Variants in CPEB3 observed in about 807,000 individuals in gnomAD.
CPEB3 encodes cytoplasmic polyadenylation element binding protein 3.
CPEB3 carries 20 observed loss-of-function variants against 67.2 expected under a neutral mutation model. That is an observed-to-expected ratio of 0.30 (90% CI 0.21 to 0.43). The LOEUF is 0.43. CPEB3 is among the 20% of genes least tolerant of loss of function. The pLI is 1.00. For synonymous variants in CPEB3, 376 were observed against 393.1 expected (o/e 0.96, Z 0.51); for missense variants, 746 against 968.6 (o/e 0.77, Z 3.05).
chr10:92,250,649 T>C (rs985373575), intron 1 of CPEB3, among the ~76,000 whole-genome samples: 2 of 152,006 alleles, frequency 1.3e-5, no homozygotes, highest in Non-Finnish European at 2.9e-5. Flanking sequence ...AAGTGCCCTA[T>C]ACATGTGTAC....
At chr10:92,087,114 G>A (rs1372077034) in intron 8 of CPEB3, among the ~76,000 whole-genome samples, 2 of 152,120 alleles carry the variant, frequency 1.3e-5, no homozygotes, top group African/African-American at 4.8e-5. Context: ...TCAGGACATG[G>A]TTTCTAATAC....
intron 1 of CPEB3, among the ~76,000 whole-genome samples, chr10:92,259,117 C>G (rs1031580004): frequency 6.6e-6 from 1 of 151,698 alleles, no homozygotes; most frequent in Admixed American, 6.6e-5. Flanking sequence ...TACACGCCAT[C>G]ATGCCTGGCT....
Position 92,289,812 on chromosome 10 carries a change from AT to A in CPEB3, c.-12+1113del, listed in dbSNP as rs530265441. The stretch of plus-strand genomic sequence containing the variant: ...ATTATATATTATAAATGTATTATAT[AT>A]TATATAATACATATATATTATATAT... On this transcript the variant is annotated intron_variant, in intron 1 of 9. Transcript: ENST00000265997. Among the ~76,000 whole-genome samples the A allele has an allele frequency of 1.4e-3, 197 of 139,882 alleles. 1 individual carries two copies. Among genetic ancestry groups the A allele is most frequent in the African/African-American group, 4.7e-3 (180 of 38,080 alleles). 91.8% of individuals were successfully genotyped at this position (139,882 alleles called of 152,430 possible). A position where few individuals can be genotyped will look rare whatever the true frequency, so the allele number is the denominator to read the frequency against.
At chr10:92,272,012 G>C (rs920254717) in intron 1 of CPEB3, 3 of 151,650 alleles carry the variant, frequency 2.0e-5, no homozygotes, top group African/African-American at 7.3e-5. Flanking sequence ...TATTTCTATG[G>C]GTCCATAATG....
chr10:92,191,650 A>C (rs932818564), intron 3 of CPEB3, among the ~76,000 whole-genome samples: 20 of 152,194 alleles, frequency 1.3e-4, no homozygotes, highest in African/African-American at 4.8e-4. Flanking sequence ...ATTTTGAAAG[A>C]CATAATGGTT....
At chr10:92,282,907 G>T (rs1842358039) in intron 1 of CPEB3, among the ~76,000 whole-genome samples, 1 of 152,118 alleles carries the variant, frequency 6.6e-6, no homozygotes, top group East Asian at 1.9e-4. Flanking sequence ...CCTAGCCGAG[G>T]CTTAACTTAT....
At chr10:92,227,693 G>C (rs1851048701) in intron 2 of CPEB3, among the ~76,000 whole-genome samples, 1 of 149,162 alleles carries the variant, frequency 6.7e-6, no homozygotes, top group African/African-American at 2.5e-5. Context: ...CGGGGTTCAC[G>C]CCATTCTCCT....
chr10:92,140,431 A>G (rs1412814348), intron 6 of CPEB3, among the ~76,000 whole-genome samples: 3 of 152,230 alleles, frequency 2.0e-5, no homozygotes, highest in African/African-American at 7.2e-5. Flanking sequence ...AGCCATATGT[A>G]GAAAGCTGAA....
At chr10:92,104,624 T>C (rs1371665128) in intron 7 of CPEB3, among the ~76,000 whole-genome samples, 1 of 151,918 alleles carries the variant, frequency 6.6e-6, no homozygotes, top group Non-Finnish European at 1.5e-5. Context: ...CCTGACCTCA[T>C]AATCCGCCCG....
At chr10:92,217,466 A>C (rs556464644) in intron 2 of CPEB3, among the ~76,000 whole-genome samples, 4 of 152,270 alleles carry the variant, frequency 2.6e-5, no homozygotes, top group African/African-American at 9.6e-5. Context: ...AATCAAATTA[A>C]ATTCATATTA....
At position 92,104,901 on chromosome 10, in the gene CPEB3, T is replaced by C. The variant is rs562724411; in HGVS notation, c.1572+6175A>G. On this transcript the variant is annotated intron_variant, in intron 7 of 9. Transcript: ENST00000265997. Reference sequence around the variant, plus strand: ...GAAGGTGTCCGAACCATGATTTCTTTTCTTTTCTTTTTTTTAGAGAGACAG... The same window carrying C: ...GAAGGTGTCCGAACCATGATTTCTTCTCTTTTCTTTTTTTTAGAGAGACAG... 4.6e-5 allele frequency among the ~76,000 whole-genome samples: 7 copies of C among 152,198 alleles called. No individual in the cohort carries two copies. The South Asian group carries it at 6.2e-4, about 14-fold the overall frequency.
intron 3 of CPEB3, among the ~76,000 whole-genome samples, chr10:92,192,035 G>A (rs1183512823): frequency 6.6e-6 from 1 of 152,202 alleles, no homozygotes; most frequent in Non-Finnish European, 1.5e-5. Context: ...ATACTAGGAA[G>A]GGGATTATGC....
intron 1 of CPEB3, among the ~76,000 whole-genome samples, chr10:92,244,155 T>A (rs1851961514): frequency 6.6e-6 from 1 of 152,052 alleles, no homozygotes; most frequent in African/African-American, 2.4e-5. Context: ...GAGACCAGCC[T>A]GGCCCACATG....
At chr10:92,177,216 G>A (rs562209223) in intron 4 of CPEB3, among the ~76,000 whole-genome samples, 32 of 152,300 alleles carry the variant, frequency 2.1e-4, no homozygotes, top group African/African-American at 6.3e-4. Flanking sequence ...TGCAAACGTC[G>A]AGTGTTTTTG....
chr10:92,101,012 G>A (rs1250449554), intron 7 of CPEB3, among the ~76,000 whole-genome samples: 2 of 152,074 alleles, frequency 1.3e-5, no homozygotes, highest in Non-Finnish European at 2.9e-5. Flanking sequence ...TATACATATC[G>A]TCAAGCTCAT....
rs1301467942 is a variant in CPEB3, at chr10:92,239,467, G to A, written c.884C>T (p.Pro295Leu). 1.3e-6 allele frequency: 2 copies of A among 1,595,446 alleles called. No homozygotes were observed. Among genetic ancestry groups the A allele is most frequent in the Admixed American group, 1.8e-5 (1 of 56,658 alleles). The change falls in exon 2 of 10, where the codon CCC (proline) becomes CTC (leucine). Residue 295 changes from proline (P) to leucine (L), a missense_variant. Pro to Leu is a moderately conservative substitution (Grantham distance 98, BLOSUM62 -3). Transcript: ENST00000265997. The surrounding 1 kb of genome is among the most constrained non-coding windows in gnomAD (Gnocchi z 6.0). ...PLNPISPLKK[P>L]FSSNVIAPPK... ...CGGCGCGATCACGTTGCTGGAGAAG[G>A]GCTTTTTGAGCGGCGAGATGGGGTT...
At chr10:92,105,138 G>A (rs17107395) in intron 7 of CPEB3, among the ~76,000 whole-genome samples, 2,339 of 152,250 alleles carry the variant, frequency 0.015, 54 homozygotes, top group African/African-American at 0.049. Context: ...AAAGATTTCC[G>A]AGGTGGGATA....
chr10:92,065,124 T>C (rs1025811484), intron 9 of CPEB3, among the ~76,000 whole-genome samples: 13 of 152,228 alleles, frequency 8.5e-5, no homozygotes, highest in Non-Finnish European at 1.6e-4. Flanking sequence ...ACTGCCATGA[T>C]AGATAATGTC....
intron 2 of CPEB3, among the ~76,000 whole-genome samples, chr10:92,227,898 T>C (rs1851065659): frequency 6.7e-6 from 1 of 149,328 alleles, no homozygotes; most frequent in Admixed American, 6.7e-5. Flanking sequence ...GCCTATTTTT[T>C]TCTTTTTTGA....
Sources: gnomAD v4.1 joint callset for allele counts (sites outside exome capture counted in the v4.1 genomes callset) on GRCh38, gnomAD v4.1.1 for gene constraint, Gnocchi (gnomAD v3.1) non-coding constraint, MANE v1.5 for transcripts, NCBI Gene and HGNC (gene_info 2026-07-23, HGNC 2026-07-21) for gene names.